Variants in HGS observed in about 807,000 individuals in gnomAD.
HGS encodes human growth factor-regulated tyrosine kinase substrate.
HGS carries 63 observed loss-of-function variants against 109.7 expected under a neutral mutation model. The ratio of observed to expected loss-of-function variants is 0.57; its 90% CI spans 0.47 to 0.71. The LOEUF (loss-of-function observed/expected upper bound fraction) is 0.71. HGS is among the 30% of genes least tolerant of loss of function. The pLI is 0.00. For missense variants in HGS, 995 were observed against 1,068.3 expected (o/e 0.93, Z 0.96); for synonymous variants, 546 against 437.3 (o/e 1.25, Z -3.10).
chr17:81,696,488 C>T lies in HGS; in HGVS notation c.1525C>T (p.Gln509Ter). ...GGAGGCAGAGCGCCAGCGCCAGATC[C>T]AGCTGGCCCAGAAGCTGGAGATAAT... ...AEEAERQRQI[Q>*]LAQKLEIMRQ... The change falls in exon 16 of 22, where the codon CAG becomes TAG. Residue 509 changes from glutamine to a stop codon, truncating the protein, a stop_gained. Coordinates refer to ENST00000329138, the MANE Select transcript of HGS (RefSeq NM_004712.5). LOFTEE classifies it high-confidence loss of function. 1 of 1,527,632 alleles carries T rather than the reference C, an allele frequency of 6.5e-7. No individual in the cohort carries two copies. The highest frequency in any genetic ancestry group is 8.8e-7 in the Non-Finnish European group (1 of 1,135,874). 94.6% of individuals were successfully genotyped at this position (1,527,632 alleles called of 1,614,324 possible).
rs115413422 is a variant in HGS, at chr17:81,690,352, C to T, written c.468+118C>T. 6 of 1,040,492 alleles carry T rather than the reference C, an allele frequency of 5.8e-6. No homozygotes were observed. In the African/African-American group the frequency reaches 9.5e-5, roughly 16 times the overall value. 64.5% of individuals were successfully genotyped at this position (1,040,492 alleles called of 1,614,324 possible). ...GGCTGAGCTCTCGTCTGTCTGGGAC[C>T]TGAGGATGCCTGTGTGTCCTGGGCG... is the stretch of plus-strand genomic sequence containing the variant. On this transcript the variant is annotated intron_variant, in intron 6 of 21. Transcript: ENST00000329138.
rs1047234197 is a variant in HGS, at chr17:81,686,304, C to T, written c.123-8C>T. ...TTTTCTCTGCTTTTATCAATGTTTCCTTTTCAGAGCAAAATATGCTGTGAA... is the reference window on the plus strand; with the variant it reads ...TTTTCTCTGCTTTTATCAATGTTTCTTTTTCAGAGCAAAATATGCTGTGAA... On this transcript the variant is annotated splice_region_variant and splice_polypyrimidine_tract_variant and intron_variant, in intron 2 of 21. Transcript: ENST00000329138. The T allele has an allele frequency of 2.5e-6, 4 of 1,611,764 alleles. No individual in the cohort carries two copies. Among genetic ancestry groups the T allele is most frequent in the Non-Finnish European group, 1.7e-6 (2 of 1,178,640 alleles).
intron 6 of HGS, 180 bp from the exon 7 acceptor site, chr17:81,690,494 C>T: frequency 3.2e-6 from 2 of 629,370 alleles, no homozygotes; most frequent in Non-Finnish European, 5.4e-6. Context: ...GAAGTCCCTT[C>T]CTCAGGCCTC....
chr17:81,691,571 G>C lies in HGS; in HGVS notation c.662G>C (p.Arg221Thr). Residue 221 changes from arginine (R) to threonine (T), a missense_variant and splice_region_variant, in exon 8 of 22, where the codon AGG becomes ACG. This residue lies in a region of HGS where 182 missense variants were observed against 261.3 expected (regional missense o/e 0.70). Coordinates refer to ENST00000329138, the MANE Select transcript of HGS (RefSeq NM_004712.5). This position sits in a 1 kb window ranked among gnomAD's most constrained non-coding sequence, Gnocchi z 5.3. Reference protein sequence around the residue: ...VCEPCYEQLNRKAEGKATSTT... With the variant: ...VCEPCYEQLNTKAEGKATSTT... The stretch of plus-strand genomic sequence containing the variant: ...GAGCCCTGCTACGAGCAGCTGAACA[G>C]GTGAGTCCCCGCCCCCCATTTGGGC... The C allele has an allele frequency of 6.2e-7, 1 of 1,613,980 alleles. No homozygotes were observed. The highest frequency in any genetic ancestry group is 8.5e-7 in the Non-Finnish European group (1 of 1,179,956).
intron 13 of HGS, 45 bp from the exon 14 acceptor site, chr17:81,695,119 G>A (rs1220226878): frequency 3.1e-6 from 5 of 1,613,190 alleles, no homozygotes; most frequent in East Asian, 4.5e-5. Flanking sequence ...TGGAAGGGGT[G>A]GATGCGGGAC....
At position 81,695,848 on chromosome 17, in the gene HGS, C is replaced by T. The variant is rs747435177; in HGVS notation, c.1242C>T (p.Asn414=). 37 of 1,613,422 alleles carry T rather than the reference C, an allele frequency of 2.3e-5. No homozygotes were observed. In the Admixed American group the frequency reaches 2.5e-4, roughly 11 times the overall value. The change falls in exon 15 of 22, where the codon AAC becomes AAT. Residue 414 remains asparagine (N), a synonymous_variant. Coordinates refer to ENST00000329138, the MANE Select transcript of HGS (RefSeq NM_004712.5). ...SHEQFLKALQ[N]AVTTFVNRMK... ...AGCAGTTCCTGAAGGCGCTGCAGAA[C>T]GCCGTCACCACCTTCGTGAACCGCA... is the stretch of plus-strand genomic sequence containing the variant.
At position 81,695,770 on chromosome 17, in the gene HGS, C is replaced by G; in HGVS notation, c.1180-16C>G. ...GGGCGTGGCCGCACTCATCCAGAAC[C>G]CTGCTCTGCCTGCAGCCACAGTTCC... On this transcript the variant is annotated splice_polypyrimidine_tract_variant and intron_variant, in intron 14 of 21. Transcript: ENST00000329138. 3 of 1,612,678 alleles carry G rather than the reference C, an allele frequency of 1.9e-6. No individual in the cohort carries two copies. Among genetic ancestry groups the G allele is most frequent in the Non-Finnish European group, 8.5e-7 (1 of 1,179,652 alleles).
At chr17:81,694,411 G>A (rs1598747914) in intron 11 of HGS, among the ~76,000 whole-genome samples, 1 of 152,344 alleles carries the variant, frequency 6.6e-6, no homozygotes, top group East Asian at 1.9e-4. Context: ...GGAGTGGCCA[G>A]GCCGCTGCAG....
chr17:81,686,150 C>A, intron 2 of HGS, 162 bp from the exon 3 acceptor site: 1 of 623,620 alleles, frequency 1.6e-6, no homozygotes, highest in South Asian at 1.9e-5. Context: ...AGGCTGGTCT[C>A]AGACTCCTGG....
Position 81,684,020 on chromosome 17 carries a change from C to T in HGS, c.-47C>T, listed in dbSNP as rs747461039. On this transcript the variant is annotated 5_prime_UTR_variant, in exon 1 of 22. Coordinates refer to ENST00000329138, the MANE Select transcript of HGS (RefSeq NM_004712.5). ...GCGGAAGTCGGGGGGCGCGCCAGCT[C>T]GTAGCAGGGGAGCGCCCGCGGCGTC... The T allele has an allele frequency of 2.7e-5, 42 of 1,571,140 alleles. No homozygotes were observed. Among genetic ancestry groups the T allele is most frequent in the Admixed American group, 3.7e-5 (2 of 53,556 alleles).
intron 18 of HGS, chr17:81,697,813 T>A (rs2037177994): frequency 6.6e-6 from 1 of 152,186 alleles, no homozygotes; most frequent in Non-Finnish European, 1.5e-5. Context: ...TGGAGACGTG[T>A]TTATTTTTTC....
chr17:81,691,612 C>G lies in HGS; in HGVS notation c.662+41C>G, dbSNP rs535705279. On this transcript the variant is annotated intron_variant, in intron 8 of 21. Transcript: ENST00000329138. This position sits in a 1 kb window ranked among gnomAD's most constrained non-coding sequence, Gnocchi z 5.3. ...CCATTTGGGCTGCAGGTGGGGCAGGCTCTCCAGGCTGGGTTTTCTGTCCCT... is the reference window on the plus strand; with the variant it reads ...CCATTTGGGCTGCAGGTGGGGCAGGGTCTCCAGGCTGGGTTTTCTGTCCCT... 26 of 1,612,160 alleles carry G rather than the reference C, an allele frequency of 1.6e-5. No individual in the cohort carries two copies. The South Asian group carries it at 2.5e-4, about 16-fold the overall frequency.
In HGS at chr17:81,691,086, A is replaced by C; in HGVS notation, c.537+344A>C. 2.3e-6 allele frequency: 1 copy of C among 444,246 alleles called. No individual in the cohort carries two copies. The highest frequency in any genetic ancestry group is 4.1e-6 in the Non-Finnish European group (1 of 244,814). The allele number at this position is 444,246 out of a possible 1,614,324, so 27.5% of individuals were successfully genotyped here. A position where few individuals can be genotyped will look rare whatever the true frequency, so the allele number is the denominator to read the frequency against. Reference sequence around the variant, plus strand: ...GGATTCTTACCCTCGAGGCATCTTCACATCAAAACCCCCTCCAGGCTGGCA... The same window carrying C: ...GGATTCTTACCCTCGAGGCATCTTCCCATCAAAACCCCCTCCAGGCTGGCA... On this transcript the variant is annotated intron_variant, in intron 7 of 21. Coordinates refer to ENST00000329138, the MANE Select transcript of HGS (RefSeq NM_004712.5). This position sits in a 1 kb window ranked among gnomAD's most constrained non-coding sequence, Gnocchi z 5.3.
rs78631415 is a variant in HGS, at chr17:81,684,386, C to T, written c.37+283C>T. 6.3e-3 allele frequency: 2,118 copies of T among 334,116 alleles called. 45 individuals carry two copies. The highest frequency in any genetic ancestry group is 0.042 in the African/African-American group (1,953 of 46,498). The allele number at this position is 334,116 out of a possible 1,614,324, so 20.7% of individuals were successfully genotyped here. ...TCCTCCGCGGGCCCGGGCATTCGGC[C>T]GATTTCCTCTTGACCGACGAGCACC... On this transcript the variant is annotated intron_variant, in intron 1 of 21. Transcript: ENST00000329138.
chr17:81,684,266 C>G, intron 1 of HGS, 163 bp downstream of exon 1: 1 of 558,572 alleles, frequency 1.8e-6, no homozygotes, highest in Non-Finnish European at 2.7e-6. Context: ...ATCCTGGACC[C>G]TCGGCGCGGC....
chr17:81,684,018 C>T lies in HGS; in HGVS notation c.-49C>T, dbSNP rs114274845. On this transcript the variant is annotated 5_prime_UTR_variant, in exon 1 of 22. Transcript: ENST00000329138. ...AAGCGGAAGTCGGGGGGCGCGCCAG[C>T]TCGTAGCAGGGGAGCGCCCGCGGCG... 9,498 of 1,569,148 alleles carry T rather than the reference C, an allele frequency of 6.1e-3. 502 individuals are homozygous for T. The African/African-American group carries it at 0.11, about 18-fold the overall frequency.
chr17:81,695,249 C>G (rs1414574534), intron 14 of HGS, 26 bp downstream of exon 14: 1 of 1,610,230 alleles, frequency 6.2e-7, no homozygotes, highest in Non-Finnish European at 8.5e-7. Context: ...CTCCACGGGC[C>G]AGGGCAAAAC....
At chr17:81,696,246 G>C in intron 15 of HGS, 111 bp from the exon 16 acceptor site, 1 of 1,334,764 alleles carries the variant, frequency 7.5e-7, no homozygotes, top group East Asian at 2.5e-5. Flanking sequence ...CACCTTCAGA[G>C]CCCTCTGCAG....
At chr17:81,685,292 CCT>C (rs1343550864) in intron 1 of HGS, among the ~76,000 whole-genome samples, 1 of 152,194 alleles carries the variant, frequency 6.6e-6, no homozygotes, top group Non-Finnish European at 1.5e-5. Flanking sequence ...AGTGAATCAG[CCT>C]CTGTCTCTGG....
Sources: gnomAD v4.1 joint callset for allele counts (sites outside exome capture counted in the v4.1 genomes callset) on GRCh38, gnomAD v4.1.1 for gene constraint, gnomAD v4.1.1 regional missense constraint, Gnocchi (gnomAD v3.1) non-coding constraint, MANE v1.5 for transcripts, NCBI Gene and HGNC (gene_info 2026-07-23, HGNC 2026-07-21) for gene names.